SSX2IP: variants seen among roughly 807,000 people sequenced by gnomAD.
SSX2IP encodes SSX family member 2 interacting protein, also known as afadin- and alpha-actinin-binding protein.
SSX2IP carries 55 observed loss-of-function variants against 84.9 expected under a neutral mutation model. The observed-to-expected ratio is 0.65, with a 90% CI of 0.52 to 0.81. SSX2IP has a LOEUF of 0.81. Among genes scored for constraint, SSX2IP ranks in the 30% least tolerant of loss-of-function variants. SSX2IP has a pLI of 0.00. For missense variants in SSX2IP, 664 were observed against 705.2 expected, an observed-to-expected ratio of 0.94 and a Z score of 0.66; for synonymous variants, 239 against 234.7, an observed-to-expected ratio of 1.02 and a Z score of -0.17.
chr1:84,656,415 G>C lies in SSX2IP; in HGVS notation c.1148C>G (p.Thr383Ser), dbSNP rs1238150203. The change falls in exon 10 of 14, where the codon ACT becomes AGT. Residue 383 changes from threonine (T) to serine (S), a missense_variant. By Grantham distance (58) the Thr-to-Ser change is moderately conservative. Coordinates refer to ENST00000342203, the MANE Select transcript of SSX2IP (RefSeq NM_001166293.2). ...VISRQDHEQE[T>S]EKLELEIQQC... ...CTGAATTTCTAACTCGAGTTTTTCA[G>C]TTTCTTGTTCATGGTCTTGTCGTGA... is the stretch of plus-strand genomic sequence containing the variant. 6.2e-7 allele frequency: 1 copy of C among 1,613,404 alleles called. No homozygotes were observed. The highest frequency in any genetic ancestry group is 8.5e-7 in the Non-Finnish European group (1 of 1,179,718).
At chr1:84,668,091 A>AC (rs1433247625) in intron 4 of SSX2IP, among the ~76,000 whole-genome samples, 4 of 152,174 alleles carry the variant, frequency 2.6e-5, no homozygotes, top group African/African-American at 9.6e-5. Context: ...TCCATAGTTG[A>AC]CCCAAAATAA....
intron 10 of SSX2IP, 121 bp from the exon 11 acceptor site, chr1:84,656,126 A>G: frequency 9.5e-7 from 1 of 1,056,998 alleles, no homozygotes; most frequent in Non-Finnish European, 1.3e-6. Flanking sequence ...TTAAGAATCA[A>G]AAAGTCAAAT....
At chr1:84,672,781 T>G (rs1272792272) in intron 1 of SSX2IP, among the ~76,000 whole-genome samples, 5 of 152,126 alleles carry the variant, frequency 3.3e-5, no homozygotes. Context: ...TCACAGCACT[T>G]TGGGTGGCTG....
chr1:84,677,350 G>T (rs1456122867), intron 1 of SSX2IP, among the ~76,000 whole-genome samples: 3 of 152,106 alleles, frequency 2.0e-5, no homozygotes, highest in African/African-American at 7.2e-5. Context: ...AAAACATCTT[G>T]TTTTTTCTGG....
chr1:84,659,289 G>C (rs2102289128), intron 8 of SSX2IP, among the ~76,000 whole-genome samples: 1 of 104,950 alleles, frequency 9.5e-6, no homozygotes, highest in East Asian at 4.1e-4. Flanking sequence ...GAGCAACTGA[G>C]TCTGAAGAAC....
At chr1:84,681,626 T>C (rs1655092223) in intron 1 of SSX2IP, among the ~76,000 whole-genome samples, 1 of 152,168 alleles carries the variant, frequency 6.6e-6, no homozygotes, top group Non-Finnish European at 1.5e-5. Context: ...TATTATTCTG[T>C]AAAATTTTTA....
At chr1:84,671,436 C>T (rs1251837495) in intron 1 of SSX2IP, 128 bp from the exon 2 acceptor site, 2 of 609,192 alleles carry the variant, frequency 3.3e-6, no homozygotes, top group East Asian at 7.3e-5. Flanking sequence ...TTCCCATGCA[C>T]AGATATAGAA....
At chr1:84,675,045 T>TA (rs1378141778) in intron 1 of SSX2IP, among the ~76,000 whole-genome samples, 14 of 152,332 alleles carry the variant, frequency 9.2e-5, no homozygotes, top group African/African-American at 3.4e-4. Context: ...GATGTTAAGC[T>TA]AATTCAATGT....
chr1:84,645,443 T>C lies in SSX2IP; in HGVS notation c.*1990A>G, dbSNP rs1294858853. The C allele has an allele frequency of 6.6e-6, 1 of 152,182 alleles. No homozygotes were observed. Among genetic ancestry groups the C allele is most frequent in the Non-Finnish European group, 1.5e-5 (1 of 68,036 alleles). 9.4% of individuals were successfully genotyped at this position (152,182 alleles called of 1,614,324 possible). A position where few individuals can be genotyped will look rare whatever the true frequency, so the allele number is the denominator to read the frequency against. ...TCACACTTTAGATTTTAAAAGTACGTCTCAAGGAATCTTTCTTTCCAATTT... is the reference window on the plus strand; with the variant it reads ...TCACACTTTAGATTTTAAAAGTACGCCTCAAGGAATCTTTCTTTCCAATTT... On this transcript the variant is annotated 3_prime_UTR_variant, in exon 14 of 14. Transcript: ENST00000342203.
chr1:84,677,038 T>C (rs907798439), intron 1 of SSX2IP, among the ~76,000 whole-genome samples: 1 of 152,158 alleles, frequency 6.6e-6, no homozygotes, highest in African/African-American at 2.4e-5. Flanking sequence ...TTTCATTCTA[T>C]CACTATTCAA....
chr1:84,653,423 T>C (rs189029436), intron 11 of SSX2IP, among the ~76,000 whole-genome samples: 118 of 152,200 alleles, frequency 7.8e-4, no homozygotes, highest in Non-Finnish European at 4.7e-4. Flanking sequence ...AACTAAATTC[T>C]CCATCAGCCC....
chr1:84,676,534 T>C (rs1654355999), intron 1 of SSX2IP, among the ~76,000 whole-genome samples: 1 of 152,094 alleles, frequency 6.6e-6, no homozygotes, highest in African/African-American at 2.4e-5. Flanking sequence ...CTCTGGTCTT[T>C]TCTGGGTAAA....
chr1:84,652,060 CAT>C (rs1427656154), intron 11 of SSX2IP, 63 bp from the exon 12 acceptor site: 34 of 1,176,642 alleles, frequency 2.9e-5, no homozygotes, highest in African/African-American at 2.9e-4. Context: ...TGCCATTTCA[CAT>C]GATTGCTCTA....
chr1:84,666,134 A>G lies in SSX2IP; in HGVS notation c.525T>C (p.Asn175=). 6.2e-7 allele frequency: 1 copy of G among 1,609,822 alleles called. No homozygotes were observed. Among genetic ancestry groups the G allele is most frequent in the East Asian group, 2.2e-5 (1 of 44,716 alleles). ...KNRNLHQLLK[N]EKDEVQKLQN... is the part of the protein sequence containing the mutation. Reference sequence around the variant, plus strand: ...ACTGACAACTCACCTCATCTTTCTCATTCTTTAGTAGCTGATGCAAATTCC... The same window carrying G: ...ACTGACAACTCACCTCATCTTTCTCGTTCTTTAGTAGCTGATGCAAATTCC... The change falls in exon 5 of 14, where the codon AAT becomes AAC. Residue 175 remains asparagine, a synonymous_variant. Coordinates refer to ENST00000342203, the MANE Select transcript of SSX2IP (RefSeq NM_001166293.2).
chr1:84,664,745 G>A lies in SSX2IP; in HGVS notation c.538-193C>T, dbSNP rs146202132. Among the ~76,000 whole-genome samples the A allele has an allele frequency of 3.4e-4, 52 of 152,004 alleles. 1 individual carries two copies. The East Asian group carries it at 9.3e-3, about 27-fold the overall frequency. On this transcript the variant is annotated intron_variant, in intron 5 of 13. Coordinates refer to ENST00000342203, the MANE Select transcript of SSX2IP (RefSeq NM_001166293.2). ...TTTTTTAATTCTGAAATTTCCAGAA[G>A]CGCTAATTTTCTAAATTATCTCCTA... is the stretch of plus-strand genomic sequence containing the variant.
chr1:84,690,499 T>G (rs2102683607), upstream of SSX2IP: 1 of 150,982 alleles, frequency 6.6e-6, no homozygotes, highest in Non-Finnish European at 1.5e-5. Flanking sequence ...GGCTCCCGCC[T>G]TCCCCGCCCC....
chr1:84,650,044 A>T, intron 13 of SSX2IP: 1 of 638,620 alleles, frequency 1.6e-6, no homozygotes, highest in Non-Finnish European at 2.8e-6. Flanking sequence ...TAATACAATT[A>T]AAGTGCTTAA....
At chr1:84,686,636 C>T (rs1160103503) in intron 1 of SSX2IP, among the ~76,000 whole-genome samples, 3 of 152,044 alleles carry the variant, frequency 2.0e-5, no homozygotes, top group Non-Finnish European at 4.4e-5. Flanking sequence ...GGAGAACAAA[C>T]CCCAAAGAAC....
intron 4 of SSX2IP, among the ~76,000 whole-genome samples, chr1:84,668,472 A>G (rs1327638883): frequency 1.3e-5 from 2 of 152,204 alleles, no homozygotes; most frequent in Non-Finnish European, 2.9e-5. Flanking sequence ...AAGATGCACA[A>G]AAGCCTAAAA....
Sources: gnomAD v4.1 joint callset for allele counts (sites outside exome capture counted in the v4.1 genomes callset) on GRCh38, gnomAD v4.1.1 for gene constraint, MANE v1.5 for transcripts, NCBI Gene and HGNC (gene_info 2026-07-23, HGNC 2026-07-21) for gene names.